The following CAPZA1 variants were observed in gnomAD, a reference collection of about 807,000 sequenced individuals.
CAPZA1 encodes F-actin-capping protein subunit alpha-1.
A neutral mutation model predicts 40.8 loss-of-function variants in CAPZA1; 10 were observed. The ratio of observed to expected loss-of-function variants is 0.25; its 90% CI spans 0.15 to 0.42. The LOEUF is 0.42. Among genes scored for constraint, CAPZA1 ranks in the 10% least tolerant of loss-of-function variants. The pLI, the probability that CAPZA1 is intolerant of heterozygous loss-of-function variation, is 1.00. For missense variants in CAPZA1, 277 were observed against 353.8 expected (o/e 0.78, Z 1.74); for synonymous variants, 98 against 115.0 (o/e 0.85, Z 0.95).
At chr1:112,640,660 G>A (rs1415259367) in intron 1 of CAPZA1, among the ~76,000 whole-genome samples, 1 of 152,090 alleles carries the variant, frequency 6.6e-6, no homozygotes, top group Non-Finnish European at 1.5e-5. Flanking sequence ...GCCTCTGCCC[G>A]GCCGCCCCTG....
chr1:112,660,876 AAGG>A (rs148466599), intron 7 of CAPZA1, among the ~76,000 whole-genome samples: 3,826 of 133,996 alleles, frequency 0.029, 210 homozygotes, highest in African/African-American at 0.1. Flanking sequence ...GAAGGAGGAG[AAGG>A]AGGAGTCTCG....
chr1:112,642,234 A>C (rs1671184873), intron 1 of CAPZA1, among the ~76,000 whole-genome samples: 1 of 106,964 alleles, frequency 9.3e-6, no homozygotes, highest in African/African-American at 3.4e-5. Context: ...TTTTTTTGAG[A>C]CAGAATCTCA....
At chr1:112,655,450 C>G (rs991772498) in intron 5 of CAPZA1, among the ~76,000 whole-genome samples, 2 of 151,912 alleles carry the variant, frequency 1.3e-5, no homozygotes, top group African/African-American at 4.8e-5. Context: ...GCATTCCAGC[C>G]TGGGCAACAG....
intron 2 of CAPZA1, 39 bp downstream of exon 2, chr1:112,647,312 C>A: frequency 1.9e-6 from 2 of 1,065,426 alleles, no homozygotes; most frequent in Non-Finnish European, 2.7e-6. Flanking sequence ...CCTTAATTAC[C>A]ATTATTTATT....
intron 1 of CAPZA1, among the ~76,000 whole-genome samples, chr1:112,642,202 C>CTTTTTTTT (rs770352173): frequency 1.7e-5 from 1 of 59,008 alleles, no homozygotes; most frequent in Non-Finnish European, 2.9e-5. Flanking sequence ...TACCCCGCAC[C>CTTTTTTTT]TTTTTTTTTT....
At chr1:112,661,192 A>G (rs1274237322) in intron 7 of CAPZA1, among the ~76,000 whole-genome samples, 3 of 152,140 alleles carry the variant, frequency 2.0e-5, no homozygotes, top group South Asian at 2.1e-4. Context: ...TGCTCTTTTT[A>G]TATATACCTA....
chr1:112,647,349 T>C, intron 2 of CAPZA1, 76 bp downstream of exon 2: 1 of 770,154 alleles, frequency 1.3e-6, no homozygotes, highest in Admixed American at 2.8e-5. Context: ...TTTTAATTCT[T>C]ACGACTTGTT....
chr1:112,650,897 A>G (rs1671374498), intron 3 of CAPZA1, among the ~76,000 whole-genome samples: 1 of 152,240 alleles, frequency 6.6e-6, no homozygotes, highest in Non-Finnish European at 1.5e-5. Flanking sequence ...CACTGACACT[A>G]AAGCTTTGTA....
At chr1:112,659,125 A>G (rs1339171411) in intron 6 of CAPZA1, 24 bp downstream of exon 6, 3 of 1,494,172 alleles carry the variant, frequency 2.0e-6, no homozygotes, top group Non-Finnish European at 1.9e-6. Flanking sequence ...ATTCTCTTCT[A>G]TTTACATCTG....
At chr1:112,639,041 A>T (rs1179358551) in intron 1 of CAPZA1, among the ~76,000 whole-genome samples, 1 of 149,516 alleles carries the variant, frequency 6.7e-6, no homozygotes. Context: ...TATGTCTACT[A>T]CTTAAAGGTA....
At chr1:112,632,969 G>A (rs948792827) in intron 1 of CAPZA1, among the ~76,000 whole-genome samples, 2 of 152,210 alleles carry the variant, frequency 1.3e-5, no homozygotes, top group Non-Finnish European at 2.9e-5. Context: ...ATCTCTTGCT[G>A]ATAATGATAA....
At chr1:112,622,638 T>C (rs758526646) in intron 1 of CAPZA1, among the ~76,000 whole-genome samples, 6 of 152,198 alleles carry the variant, frequency 3.9e-5, no homozygotes, top group Non-Finnish European at 7.3e-5. Flanking sequence ...TAGTGGAATA[T>C]TTGTGTACAA....
chr1:112,659,471 G>A lies in CAPZA1; in HGVS notation c.507-230G>A, dbSNP rs1241670435. The A allele has an allele frequency of 1.5e-5, 8 of 543,610 alleles. No homozygotes were observed. The Admixed American group carries it at 2.4e-4, about 16-fold the overall frequency. The allele number at this position is 543,610 out of a possible 1,614,324, so 33.7% of individuals were successfully genotyped here. A position where few individuals can be genotyped will look rare whatever the true frequency, so the allele number is the denominator to read the frequency against. The stretch of plus-strand genomic sequence containing the variant: ...CATTTCAAGGGAAAAAAGGAAAAAT[G>A]AAAGACAAAATAACTTAGAAAAGGC... On this transcript the variant is annotated intron_variant, in intron 6 of 9. Coordinates refer to ENST00000263168, the MANE Select transcript of CAPZA1 (RefSeq NM_006135.3).
At chr1:112,661,289 G>A (rs1182356235) in intron 7 of CAPZA1, among the ~76,000 whole-genome samples, 2 of 152,162 alleles carry the variant, frequency 1.3e-5, no homozygotes, top group Non-Finnish European at 2.9e-5. Flanking sequence ...AGCTCTAGGA[G>A]GAGCCCTCAG....
At chr1:112,656,591 G>A (rs1454296518) in intron 5 of CAPZA1, among the ~76,000 whole-genome samples, 1 of 151,694 alleles carries the variant, frequency 6.6e-6, no homozygotes, top group Non-Finnish European at 1.5e-5. Flanking sequence ...AATATACTTT[G>A]AATTTATTGT....
intron 3 of CAPZA1, among the ~76,000 whole-genome samples, chr1:112,651,562 G>A (rs192798727): frequency 1.3e-3 from 192 of 152,266 alleles, no homozygotes; most frequent in African/African-American, 4.4e-3. Flanking sequence ...ATCACCCCAA[G>A]TTTTTGGCTT....
intron 1 of CAPZA1, among the ~76,000 whole-genome samples, chr1:112,632,357 A>G (rs189488535): frequency 1.3e-5 from 2 of 152,364 alleles, no homozygotes; most frequent in African/African-American, 4.8e-5. Flanking sequence ...CTCCTAATAC[A>G]GTAAAGACAG....
At chr1:112,640,659 C>T (rs1014486443) in intron 1 of CAPZA1, among the ~76,000 whole-genome samples, 1 of 152,124 alleles carries the variant, frequency 6.6e-6, no homozygotes, top group Non-Finnish European at 1.5e-5. Flanking sequence ...TGCCTCTGCC[C>T]GGCCGCCCCT....
At chr1:112,639,935 G>A (rs1238890904) in intron 1 of CAPZA1, among the ~76,000 whole-genome samples, 6 of 132,288 alleles carry the variant, frequency 4.5e-5, no homozygotes, top group African/African-American at 1.3e-4. Context: ...CCCCCCGCCC[G>A]GCCAGCCGCC....
Sources: allele counts gnomAD v4.1 joint callset (sites outside exome capture counted in the v4.1 genomes callset), GRCh38; gene constraint gnomAD v4.1.1; transcripts MANE v1.5; gene names NCBI Gene and HGNC (gene_info 2026-07-23, HGNC 2026-07-21).